The following MTFMT variants were observed in gnomAD, a reference collection of about 807,000 sequenced individuals.
The protein encoded by MTFMT is methionyl-tRNA formyltransferase, mitochondrial.
A neutral mutation model predicts 51.8 loss-of-function variants in MTFMT; 47 were observed. The observed-to-expected ratio is 0.91, with a 90% confidence interval of 0.72 to 1.16. The LOEUF is 1.16. Among genes scored for constraint, MTFMT ranks in the 50% most tolerant of loss-of-function variants. MTFMT has a pLI of 0.00. For missense variants in MTFMT, 512 were observed against 482.3 expected, an observed-to-expected ratio of 1.06 and a Z score of -0.58; for synonymous variants, 196 against 176.7, an observed-to-expected ratio of 1.11 and a Z score of -0.87.
chr15:65,004,991 T>C, intron 7 of MTFMT, 55 bp from the exon 8 acceptor site: 2 of 1,201,522 alleles, frequency 1.7e-6, no homozygotes, highest in East Asian at 2.3e-5. Context: ...TTATGCAACT[T>C]CATAGTACTT....
chr15:65,029,131 G>A (rs566710742), intron 1 of MTFMT: 393 of 363,562 alleles, frequency 1.1e-3, no homozygotes, highest in African/African-American at 8.0e-3. Flanking sequence ...AGAGCGCCCA[G>A]CCCCAGCTCG....
At chr15:65,012,053 G>A (rs1183368209) in intron 6 of MTFMT, among the ~76,000 whole-genome samples, 1 of 130,186 alleles carries the variant, frequency 7.7e-6, no homozygotes, top group African/African-American at 2.9e-5. Flanking sequence ...TCTTTTGATT[G>A]TGGACATCCA....
chr15:65,027,090 A>G, intron 1 of MTFMT, 50 bp from the exon 2 acceptor site: 1 of 1,339,158 alleles, frequency 7.5e-7, no homozygotes, highest in Non-Finnish European at 1.1e-6. Flanking sequence ...AATGACTCAA[A>G]GCTAAAACTA....
rs540509509 is a variant in MTFMT, at chr15:65,019,320, T to C, written c.721+877A>G. On this transcript the variant is annotated intron_variant, in intron 5 of 8. Coordinates refer to ENST00000220058, the MANE Select transcript of MTFMT (RefSeq NM_139242.4). ...GTGAGACTTCTCTAGGTATATTAAC[T>C]TTTGAATCAGCTATATGTTTTACAT... 2.6e-4 allele frequency among the ~76,000 whole-genome samples: 40 copies of C among 152,324 alleles called. 1 individual carries two copies. Among genetic ancestry groups the C allele is most frequent in the Admixed American group, 1.4e-3 (22 of 15,294 alleles).
intron 6 of MTFMT, 89 bp downstream of exon 6, chr15:65,016,347 G>T: frequency 2.7e-5 from 19 of 713,154 alleles, no homozygotes; most frequent in South Asian, 1.1e-4. Flanking sequence ...TTTTTATTTG[G>T]GATTATTCCT....
intron 1 of MTFMT, among the ~76,000 whole-genome samples, chr15:65,027,922 T>C (rs1462132733): frequency 1.3e-5 from 2 of 152,184 alleles, no homozygotes; most frequent in Non-Finnish European, 2.9e-5. Context: ...CAAACAAAAA[T>C]ACATAACATG....
chr15:65,009,127 A>G (rs796313252), intron 6 of MTFMT, among the ~76,000 whole-genome samples: 35 of 152,316 alleles, frequency 2.3e-4, no homozygotes, highest in African/African-American at 7.7e-4. Flanking sequence ...AGAAGCTCAA[A>G]GACAAGGGCC....
At position 65,002,492 on chromosome 15, in the gene MTFMT, A is replaced by G. The variant is rs919943794; in HGVS notation, c.*570T>C. 1 of 152,200 alleles carries G rather than the reference A, an allele frequency of 6.6e-6. No homozygotes were observed. The highest frequency in any genetic ancestry group is 1.5e-5 in the Non-Finnish European group (1 of 68,046). 9.4% of individuals were successfully genotyped at this position (152,200 alleles called of 1,614,324 possible). On this transcript the variant is annotated 3_prime_UTR_variant, in exon 9 of 9. Coordinates refer to ENST00000220058, the MANE Select transcript of MTFMT (RefSeq NM_139242.4). ...GTTAGGGTTGCCCTTGTTCTTAAGG[A>G]AAGATAATCTCCTTGAGTTTCGTAT...
At chr15:65,006,330 G>T in intron 6 of MTFMT, 139 bp from the exon 7 acceptor site, 1 of 580,616 alleles carries the variant, frequency 1.7e-6, no homozygotes, top group Non-Finnish European at 3.2e-6. Flanking sequence ...TGATGGAACA[G>T]ACCGTAAACA....
At chr15:65,009,942 C>T (rs2086250045) in intron 6 of MTFMT, among the ~76,000 whole-genome samples, 2 of 152,160 alleles carry the variant, frequency 1.3e-5, no homozygotes, top group South Asian at 4.1e-4. Flanking sequence ...GTGTGAGCCA[C>T]CACACCCAAC....
At chr15:65,005,939 T>G (rs955884333) in intron 7 of MTFMT, among the ~76,000 whole-genome samples, 174 bp downstream of exon 7, 1 of 152,156 alleles carries the variant, frequency 6.6e-6, no homozygotes, top group Admixed American at 6.5e-5. Context: ...AGAAAATATA[T>G]GAGAATGAGT....
intron 6 of MTFMT, among the ~76,000 whole-genome samples, chr15:65,011,923 T>A (rs1260159575): frequency 2.0e-5 from 3 of 152,172 alleles, no homozygotes; most frequent in Non-Finnish European, 4.4e-5. Context: ...AAGAAACCAC[T>A]GCCTAATTCA....
intron 2 of MTFMT, among the ~76,000 whole-genome samples, chr15:65,025,230 TAAAAA>T (rs776662139): frequency 4.3e-5 from 4 of 92,506 alleles, no homozygotes; most frequent in Admixed American, 1.2e-4. Context: ...TCCCTGTCTC[TAAAAA>T]AAAAAAAAAA....
At chr15:65,011,886 T>A (rs1034372007) in intron 6 of MTFMT, among the ~76,000 whole-genome samples, 2 of 152,132 alleles carry the variant, frequency 1.3e-5, no homozygotes, top group African/African-American at 4.8e-5. Context: ...TTTAGTCTGA[T>A]TGCTTATGCT....
Position 65,002,503 on chromosome 15 carries a change from CCTT to C in MTFMT, c.*556_*558del, listed in dbSNP as rs1293728493. The C allele has an allele frequency of 6.6e-5, 10 of 152,084 alleles. No homozygotes were observed. The highest frequency in any genetic ancestry group is 1.5e-4 in the Non-Finnish European group (10 of 68,034). 9.4% of individuals were successfully genotyped at this position (152,084 alleles called of 1,614,324 possible). A position where few individuals can be genotyped will look rare whatever the true frequency, so the allele number is the denominator to read the frequency against. ...CCTTGTTCTTAAGGAAAGATAATCT[CCTT>C]GAGTTTCGTATCATAAATACAAGTT... On this transcript the variant is annotated 3_prime_UTR_variant, in exon 9 of 9. Coordinates refer to ENST00000220058, the MANE Select transcript of MTFMT (RefSeq NM_139242.4).
intron 1 of MTFMT, among the ~76,000 whole-genome samples, chr15:65,028,908 G>C (rs138756353): frequency 0.025 from 3,835 of 152,232 alleles, 83 homozygotes; most frequent in Middle Eastern, 0.048. Context: ...TGTATACAAG[G>C]AGCACAGGGG....
Position 65,002,911 on chromosome 15 carries a change from T to C in MTFMT, c.*151A>G, listed in dbSNP as rs957712438. 2 of 462,660 alleles carry C rather than the reference T, an allele frequency of 4.3e-6. No homozygotes were observed. The allele number at this position is 462,660 out of a possible 1,614,324, so 28.7% of individuals were successfully genotyped here. On this transcript the variant is annotated 3_prime_UTR_variant, in exon 9 of 9. Transcript: ENST00000220058. The stretch of plus-strand genomic sequence containing the variant: ...CTGGGAGGCGGAGGTTGCAGTGAGC[T>C]GAGATAGTGCCACTGGATTCCAGCC...
intron 2 of MTFMT, among the ~76,000 whole-genome samples, chr15:65,024,312 C>T (rs149382579): frequency 0.015 from 2,251 of 152,146 alleles, 62 homozygotes; most frequent in African/African-American, 0.05. Context: ...GCAACAAGAG[C>T]GAAACTCCGT....
intron 2 of MTFMT, among the ~76,000 whole-genome samples, chr15:65,025,280 C>T (rs943659329): frequency 2.0e-5 from 3 of 150,394 alleles, no homozygotes; most frequent in Non-Finnish European, 4.4e-5. Context: ...TGGCACATTC[C>T]TATAGTCTCA....
Sources: allele counts gnomAD v4.1 joint callset (sites outside exome capture counted in the v4.1 genomes callset), GRCh38; gene constraint gnomAD v4.1.1; transcripts MANE v1.5; gene names NCBI Gene and HGNC (gene_info 2026-07-23, HGNC 2026-07-21).